CTPS2: variants seen among roughly 807,000 people sequenced by gnomAD.
CTPS2 encodes CTP synthase II.
A neutral mutation model predicts 46.8 loss-of-function variants in CTPS2; 19 were observed. That is an observed-to-expected ratio of 0.41 (90% CI 0.28 to 0.60). The LOEUF (loss-of-function observed/expected upper bound fraction) is 0.60. Ranked by LOEUF, CTPS2 falls within the 20% of genes least tolerant of loss-of-function variation. The pLI is 0.35. For missense variants in CTPS2, 286 were observed against 447.6 expected, an observed-to-expected ratio of 0.64 and a Z score of 3.26; for synonymous variants, 151 against 165.2, an observed-to-expected ratio of 0.91 and a Z score of 0.66.
chrX:16,658,023 T>A (rs1374060574), intron 13 of CTPS2, among the ~76,000 whole-genome samples: 1 of 110,940 alleles, frequency 9.0e-6, no homozygotes, highest in Non-Finnish European at 1.9e-5. Context: ...CTGGGCAGCA[T>A]GGTGAAACCC....
chrX:16,597,876 G>A (rs1325628840), intron 17 of CTPS2, among the ~76,000 whole-genome samples: 1 of 108,404 alleles, frequency 9.2e-6, no homozygotes. Flanking sequence ...TCATTGAGCA[G>A]TGGTTTGTAG....
At chrX:16,631,639 C>T (rs113623355) in intron 14 of CTPS2, among the ~76,000 whole-genome samples, 2 of 112,288 alleles carry the variant, frequency 1.8e-5, no homozygotes, top group Non-Finnish European at 3.8e-5. Flanking sequence ...TTCTTTCTAG[C>T]AGGTGGCAGT....
chrX:16,682,314 G>A (rs1453617052), intron 9 of CTPS2, among the ~76,000 whole-genome samples: 1 of 111,397 alleles, frequency 9.0e-6, no homozygotes, highest in Non-Finnish European at 1.9e-5. Flanking sequence ...GTGAAACCCC[G>A]TCTCTATTAA....
At position 16,609,594 on chromosome X, in the gene CTPS2, T is replaced by TGCAAG; in HGVS notation, c.1633_1637dup (p.Ala547LeufsTer7). The TGCAAG allele has an allele frequency of 8.3e-7, 1 of 1,211,630 alleles. No individual in the cohort carries two copies. ...AGTAGGCATTCAGGTTCCCAGTTGC[T>TGCAAG]GCAAGTAACAGCCCCAGATACGGAG... is the stretch of plus-strand genomic sequence containing the variant. On this transcript the variant is annotated frameshift_variant, in exon 17 of 19. Coordinates refer to ENST00000359276, the MANE Select transcript of CTPS2 (RefSeq NM_175859.3). LOFTEE classifies it high-confidence loss of function.
chrX:16,588,423 C>G lies in CTPS2; in HGVS notation c.*1394G>C, dbSNP rs766936521. 5.4e-5 allele frequency: 6 copies of G among 111,863 alleles called. No individual in the cohort carries two copies. Among genetic ancestry groups the G allele is most frequent in the Non-Finnish European group, 9.4e-5 (5 of 53,198 alleles). The allele number at this position is 111,863 out of a possible 1,213,427, so 9.2% of individuals were successfully genotyped here. A position where few individuals can be genotyped will look rare whatever the true frequency, so the allele number is the denominator to read the frequency against. On this transcript the variant is annotated 3_prime_UTR_variant, in exon 19 of 19. Coordinates refer to ENST00000359276, the MANE Select transcript of CTPS2 (RefSeq NM_175859.3). ...ATTATGAGAGCACAGAAGAACAATA[C>G]AGAAAGGCCATTTTCTTTGTATGAC...
In CTPS2 at chrX:16,693,623, G is replaced by A. The variant is rs760744994; in HGVS notation, c.439-136C>T. 190 of 475,575 alleles carry A rather than the reference G, an allele frequency of 4.0e-4. 1 individual carries two copies. The highest frequency in any genetic ancestry group is 5.2e-4 in the Non-Finnish European group (142 of 273,999). 39.2% of individuals were successfully genotyped at this position (475,575 alleles called of 1,213,427 possible). ...TGGTTACACAGAGGTTTATAAATAC[G>A]TTCAAAATCACTAAATTGTGGCTGG... On this transcript the variant is annotated intron_variant, in intron 4 of 18. Coordinates refer to ENST00000359276, the MANE Select transcript of CTPS2 (RefSeq NM_175859.3).
At chrX:16,592,973 G>A (rs1046300958) in intron 17 of CTPS2, among the ~76,000 whole-genome samples, 6 of 111,259 alleles carry the variant, frequency 5.4e-5, no homozygotes, top group African/African-American at 2.0e-4. Flanking sequence ...TCTGAGCTGT[G>A]GGGTCTGTTT....
At chrX:16,639,778 AAAGAAAG>A (rs1457880624) in intron 13 of CTPS2, among the ~76,000 whole-genome samples, 316 of 14,587 alleles carry the variant, frequency 0.022, no homozygotes, top group African/African-American at 0.039. Context: ...AAGGAAAAGA[AAAGAAAG>A]AAAGAAAGAA....
chrX:16,592,980 G>C lies in CTPS2; in HGVS notation c.1692-2118C>G, dbSNP rs905050073. On this transcript the variant is annotated intron_variant, in intron 17 of 18. Transcript: ENST00000359276. ...ACTTTCACTCTGAGCTGTGGGGTCT[G>C]TTTGTGGTTCCTTTTACTCAGTTCC... Among the ~76,000 whole-genome samples, 3 of 111,411 alleles carry C rather than the reference G, an allele frequency of 2.7e-5. No homozygotes were observed. The Admixed American group carries it at 2.9e-4, about 11-fold the overall frequency.
At chrX:16,627,541 G>A (rs1931222064) in intron 14 of CTPS2, among the ~76,000 whole-genome samples, 1 of 111,610 alleles carries the variant, frequency 9.0e-6, no homozygotes, top group Non-Finnish European at 1.9e-5. Flanking sequence ...CTTCTTTGAT[G>A]GGGCACATGC....
chrX:16,594,119 C>T (rs1168816906), intron 17 of CTPS2, among the ~76,000 whole-genome samples: 1 of 111,764 alleles, frequency 8.9e-6, no homozygotes, highest in Non-Finnish European at 1.9e-5. Context: ...CCCCATTATA[C>T]TAGCTCGGGG....
At chrX:16,703,948 CT>C (rs1374830963) in intron 1 of CTPS2, among the ~76,000 whole-genome samples, 64 of 63,560 alleles carry the variant, frequency 1.0e-3, no homozygotes, top group African/African-American at 3.4e-3. Flanking sequence ...TTTTTTTTTT[CT>C]TTTTTTTTAG....
At chrX:16,708,565 TATA>T (rs1245492586) in intron 1 of CTPS2, among the ~76,000 whole-genome samples, 1 of 110,752 alleles carries the variant, frequency 9.0e-6, no homozygotes. Flanking sequence ...ATATTACATA[TATA>T]ATGTTTATTT....
At chrX:16,645,621 G>A (rs762278828) in intron 13 of CTPS2, among the ~76,000 whole-genome samples, 4 of 112,301 alleles carry the variant, frequency 3.6e-5, no homozygotes, top group South Asian at 3.7e-4. Flanking sequence ...CCATAAGTAC[G>A]TATGTATTTT....
intron 14 of CTPS2, among the ~76,000 whole-genome samples, chrX:16,629,234 G>A (rs777750382): frequency 1.3e-3 from 147 of 112,549 alleles, no homozygotes; most frequent in African/African-American, 4.5e-3. Context: ...AGGATGAAAG[G>A]TGCTATGTCC....
chrX:16,706,133 A>G (rs1364066485), intron 1 of CTPS2, among the ~76,000 whole-genome samples: 1 of 109,982 alleles, frequency 9.1e-6, no homozygotes, highest in Non-Finnish European at 1.9e-5. Flanking sequence ...AAAAGAAAAG[A>G]AATAAAGTCA....
At chrX:16,598,560 T>C (rs1158039578) in intron 17 of CTPS2, among the ~76,000 whole-genome samples, 1 of 111,995 alleles carries the variant, frequency 8.9e-6, no homozygotes, top group East Asian at 2.8e-4. Flanking sequence ...ATTGTGGCAA[T>C]AATCAATAGC....
At chrX:16,688,047 G>A (rs1026613569) in intron 8 of CTPS2, among the ~76,000 whole-genome samples, 3 of 111,114 alleles carry the variant, frequency 2.7e-5, no homozygotes, top group Non-Finnish European at 5.7e-5. Context: ...CGTAACAGCT[G>A]CACCTACTGG....
chrX:16,595,879 AT>A (rs1216326885), intron 17 of CTPS2, among the ~76,000 whole-genome samples: 4 of 109,974 alleles, frequency 3.6e-5, no homozygotes, highest in Admixed American at 9.7e-5. Flanking sequence ...CTTAAAAAAA[AT>A]TTTTTTTGAG....
Sources: allele counts gnomAD v4.1 joint callset (sites outside exome capture counted in the v4.1 genomes callset), GRCh38; gene constraint gnomAD v4.1.1; transcripts MANE v1.5; gene names NCBI Gene and HGNC (gene_info 2026-07-23, HGNC 2026-07-21).